PCDH15: variants seen among roughly 807,000 people sequenced by gnomAD.
PCDH15 encodes the protein protocadherin related 15, also known as protocadherin-15.
In PCDH15, 129 loss-of-function variants were observed where a neutral mutation model predicts 178.5. The ratio of observed to expected loss-of-function variants is 0.72; its 90% CI spans 0.63 to 0.84. PCDH15 has a LOEUF of 0.84. Among genes scored for constraint, PCDH15 ranks in the 40% least tolerant of loss-of-function variants. PCDH15 has a pLI of 0.00. For missense variants in PCDH15, 2,230 were observed against 2,099.9 expected (o/e 1.06, Z -1.21); for synonymous variants, 800 against 732.0 (o/e 1.09, Z -1.50).
At position 53,913,318 on chromosome 10, in the gene PCDH15, G is replaced by T. The variant is rs565832257; in HGVS notation, c.3374-9948C>A. 1.2e-4 allele frequency among the ~76,000 whole-genome samples: 18 copies of T among 152,232 alleles called. No individual in the cohort carries two copies. In the East Asian group the frequency reaches 2.9e-3, roughly 24 times the overall value. ...AGATGGATTAAAGACTTAAATGTTA[G>T]ATCTAAAACCATAAAAACCTAGAAG... On this transcript the variant is annotated intron_variant, in intron 25 of 37. Transcript: ENST00000644397.
intron 2 of PCDH15, among the ~76,000 whole-genome samples, chr10:55,360,400 A>G (rs997264056): frequency 1.3e-5 from 2 of 151,978 alleles, no homozygotes; most frequent in African/African-American, 2.4e-5. Context: ...AGAAAAATCA[A>G]TTAATTGTAC....
intron 21 of PCDH15, among the ~76,000 whole-genome samples, chr10:53,964,422 T>A (rs1395222878): frequency 7.5e-6 from 1 of 132,470 alleles, no homozygotes; most frequent in East Asian, 2.0e-4. Context: ...ATAAATTTTA[T>A]TTATTCATAA....
chr10:55,188,114 A>C (rs954617121), intron 1 of PCDH15, among the ~76,000 whole-genome samples: 15 of 151,984 alleles, frequency 9.9e-5, no homozygotes, highest in Non-Finnish European at 1.5e-5. Flanking sequence ...TGGTGAATGA[A>C]GATAAGCAAA....
chr10:55,261,909 T>A (rs1281148067), intron 1 of PCDH15, among the ~76,000 whole-genome samples: 2 of 151,898 alleles, frequency 1.3e-5, no homozygotes, highest in Non-Finnish European at 2.9e-5. Flanking sequence ...GAAAACTTGG[T>A]CCTCAGAAAG....
chr10:55,449,699 A>T, intron 2 of PCDH15, among the ~76,000 whole-genome samples: 1 of 152,172 alleles, frequency 6.6e-6, no homozygotes, highest in East Asian at 1.9e-4. Context: ...ACCTATTAGG[A>T]CTATCACTAC....
At chr10:54,477,485 C>A (rs2078357858) in intron 3 of PCDH15, among the ~76,000 whole-genome samples, 1 of 152,190 alleles carries the variant, frequency 6.6e-6, no homozygotes, top group Non-Finnish European at 1.5e-5. Context: ...ACAGTAAATT[C>A]TTTGAGATCA....
chr10:54,134,333 C>T (rs1412814235), intron 14 of PCDH15, among the ~76,000 whole-genome samples: 1 of 88,388 alleles, frequency 1.1e-5, no homozygotes, highest in African/African-American at 3.3e-5. Context: ...ATGAGCACCA[C>T]ACCTGGCCTA....
At chr10:54,955,908 G>A (rs1452721398) in intron 2 of PCDH15, among the ~76,000 whole-genome samples, 1 of 151,174 alleles carries the variant, frequency 6.6e-6, no homozygotes, top group Non-Finnish European at 1.5e-5. Context: ...CCACTTACAT[G>A]CACTACATAT....
At chr10:54,912,388 G>A in intron 2 of PCDH15, among the ~76,000 whole-genome samples, 1 of 152,048 alleles carries the variant, frequency 6.6e-6, no homozygotes, top group East Asian at 1.9e-4. Flanking sequence ...CTGTTCTCAT[G>A]ACAGTGAATG....
In PCDH15 at chr10:54,616,455, G is replaced by GC. The variant is rs573048479; in HGVS notation, c.91+47716dup. Among the ~76,000 whole-genome samples, 6 of 152,186 alleles carry GC rather than the reference G, an allele frequency of 3.9e-5. No individual in the cohort carries two copies. In the South Asian group the frequency reaches 1.2e-3, roughly 32 times the overall value. Reference sequence around the variant, plus strand: ...TTGGGGTTATTTAAATGAAGCCATTGCAAGTGTGTCCTATTTTTTCAAAGT... The same window carrying GC: ...TTGGGGTTATTTAAATGAAGCCATTGCCAAGTGTGTCCTATTTTTTCAAAGT... On this transcript the variant is annotated intron_variant, in intron 2 of 37. Transcript: ENST00000644397.
chr10:55,153,151 C>T (rs1170315258), intron 2 of PCDH15, among the ~76,000 whole-genome samples: 6 of 151,888 alleles, frequency 4.0e-5, no homozygotes, highest in Admixed American at 1.3e-4. Flanking sequence ...ATCTAGTTAC[C>T]CACACCTATG....
chr10:54,248,299 A>G (rs1444901869), intron 8 of PCDH15, among the ~76,000 whole-genome samples: 2 of 152,116 alleles, frequency 1.3e-5, no homozygotes, highest in African/African-American at 4.8e-5. Context: ...TTATTTAAAA[A>G]TCGTACTTAA....
Position 54,639,869 on chromosome 10 carries a change from G to A in PCDH15, c.91+24303C>T, listed in dbSNP as rs552393907. ...TCACTATTTAACAAAAAAGACTAATGAAACAATGTACTTTCCTGATATATG... is the reference window on the plus strand; with the variant it reads ...TCACTATTTAACAAAAAAGACTAATAAAACAATGTACTTTCCTGATATATG... On this transcript the variant is annotated intron_variant, in intron 2 of 37. Coordinates refer to ENST00000644397, the MANE Select transcript of PCDH15 (RefSeq NM_001384140.1). 5.9e-5 allele frequency among the ~76,000 whole-genome samples: 9 copies of A among 152,166 alleles called. No homozygotes were observed. The East Asian group carries it at 1.7e-3, about 29-fold the overall frequency.
At chr10:53,913,364 G>C (rs972825692) in intron 25 of PCDH15, among the ~76,000 whole-genome samples, 1 of 151,966 alleles carries the variant, frequency 6.6e-6, no homozygotes, top group Admixed American at 6.6e-5. Context: ...CAATACCACT[G>C]AGGACTTAGG....
rs142675629 is a variant in PCDH15 at position 54,072,100 on chromosome 10, A to G, written c.2092-5215T>C. ...ATTGAAAATTTCCATCTGTGAGAAA[A>G]CACAAGAAATGTTATTTATAGAACA... is the stretch of plus-strand genomic sequence containing the variant. On this transcript the variant is annotated intron_variant, in intron 17 of 37. Coordinates refer to ENST00000644397, the MANE Select transcript of PCDH15 (RefSeq NM_001384140.1). Among the ~76,000 whole-genome samples the G allele has an allele frequency of 9.0e-3, 1,375 of 152,214 alleles. 16 individuals carry two copies. The highest frequency in any genetic ancestry group is 0.031 in the African/African-American group (1,308 of 41,560).
chr10:54,694,773 G>A (rs1471680389), intron 1 of PCDH15, among the ~76,000 whole-genome samples: 6 of 152,014 alleles, frequency 3.9e-5, no homozygotes, highest in Non-Finnish European at 5.9e-5. Context: ...TGTTTCCAGA[G>A]GCACACAATA....
intron 2 of PCDH15, among the ~76,000 whole-genome samples, chr10:55,427,152 C>A (rs975196755): frequency 8.5e-5 from 13 of 152,150 alleles, no homozygotes; most frequent in African/African-American, 2.7e-4. Flanking sequence ...GTCCCTATCA[C>A]TACAATCAAG....
intron 18 of PCDH15, among the ~76,000 whole-genome samples, chr10:54,055,931 T>A (rs2093876849): frequency 6.6e-6 from 1 of 152,178 alleles, no homozygotes; most frequent in Admixed American, 6.5e-5. Context: ...ACAGAAACCA[T>A]GTTGAACTAT....
At chr10:55,300,980 T>C (rs1170359060) in intron 1 of PCDH15, among the ~76,000 whole-genome samples, 1 of 152,296 alleles carries the variant, frequency 6.6e-6, no homozygotes, top group Non-Finnish European at 1.5e-5. Flanking sequence ...CATGGTATCA[T>C]AAGTTCTTAA....
Sources: allele counts gnomAD v4.1 joint callset (sites outside exome capture counted in the v4.1 genomes callset), GRCh38; gene constraint gnomAD v4.1.1; transcripts MANE v1.5; gene names NCBI Gene and HGNC (gene_info 2026-07-23, HGNC 2026-07-21).